AGBL1: variants seen among roughly 807,000 people sequenced by gnomAD.
AGBL1 encodes cytosolic carboxypeptidase 4.
A neutral mutation model predicts 118.9 loss-of-function variants in AGBL1; 130 were observed. The observed-to-expected ratio is 1.09, with a 90% CI of 0.95 to 1.26. AGBL1 has a LOEUF of 1.26. AGBL1 is among the 50% of genes most tolerant of loss of function. The pLI is 0.00. For synonymous variants in AGBL1, 555 were observed against 478.9 expected, an observed-to-expected ratio of 1.16 and a Z score of -2.08; for missense variants, 1,584 against 1,298.1, an observed-to-expected ratio of 1.22 and a Z score of -3.38.
chr15:86,489,671 T>C (rs2082755263), intron 18 of AGBL1, among the ~76,000 whole-genome samples: 1 of 152,168 alleles, frequency 6.6e-6, no homozygotes, highest in South Asian at 2.1e-4. Context: ...TTGTTCATGT[T>C]GCTGCTTTAT....
At chr15:86,812,227 T>G (rs1002563531) in intron 22 of AGBL1, among the ~76,000 whole-genome samples, 9 of 152,182 alleles carry the variant, frequency 5.9e-5, no homozygotes, top group Non-Finnish European at 1.2e-4. Flanking sequence ...TACCTTCTTT[T>G]CCTGTAGCAA....
intron 22 of AGBL1, among the ~76,000 whole-genome samples, chr15:86,763,513 T>G (rs531882651): frequency 6.6e-6 from 1 of 152,000 alleles, no homozygotes. Context: ...TATTCTTTTA[T>G]GAATATCTGG....
chr15:87,030,085 AAACTT>A (rs540265525), downstream of AGBL1, among the ~76,000 whole-genome samples: 298 of 152,136 alleles, frequency 2.0e-3, no homozygotes, highest in Middle Eastern at 0.01. Context: ...TACTTAAACT[AAACTT>A]AAGGTATCTG....
intron 24 of AGBL1, among the ~76,000 whole-genome samples, chr15:87,013,961 G>A (rs1287129458): frequency 6.6e-6 from 1 of 152,118 alleles, no homozygotes; most frequent in African/African-American, 2.4e-5. Context: ...TGATCTCTGA[G>A]TGTCAGATCT....
intron 21 of AGBL1, among the ~76,000 whole-genome samples, chr15:86,631,691 G>A (rs1031763632): frequency 6.6e-6 from 1 of 152,288 alleles, no homozygotes; most frequent in East Asian, 1.9e-4. Context: ...TGGTTCATGG[G>A]AGTTCCCAGG....
In AGBL1 at chr15:86,615,417, G is replaced by C. The variant is rs2084707549; in HGVS notation, c.2995-58856G>C. On this transcript the variant is annotated intron_variant, in intron 21 of 22. Transcript: ENST00000614907. This position sits in a 1 kb window ranked among gnomAD's most constrained non-coding sequence, Gnocchi z 4.3. ...CAGTGGGATCTGGGGTAAGGAGGAAGAAGGTAAGATGATTATGAGATTATT... is the reference window on the plus strand; with the variant it reads ...CAGTGGGATCTGGGGTAAGGAGGAACAAGGTAAGATGATTATGAGATTATT... Among the ~76,000 whole-genome samples, 2 of 152,184 alleles carry C rather than the reference G, an allele frequency of 1.3e-5. No individual in the cohort carries two copies.
At chr15:86,301,193 C>T (rs959404077) in intron 17 of AGBL1, among the ~76,000 whole-genome samples, 2 of 152,094 alleles carry the variant, frequency 1.3e-5, no homozygotes, top group Non-Finnish European at 2.9e-5. Context: ...TTTTGTACCT[C>T]CCAGAGACAT....
chr15:86,168,393 G>T (rs895197794), intron 5 of AGBL1, among the ~76,000 whole-genome samples: 1 of 152,084 alleles, frequency 6.6e-6, no homozygotes, highest in African/African-American at 2.4e-5. Context: ...AGACAAAAAA[G>T]CATGAAAACA....
At chr15:86,633,437 G>C (rs1287633712) in intron 21 of AGBL1, among the ~76,000 whole-genome samples, 1 of 152,024 alleles carries the variant, frequency 6.6e-6, no homozygotes, top group African/African-American at 2.4e-5. Context: ...TGTAACATTT[G>C]ACATCATGGA....
chr15:86,317,638 A>T (rs1337139328), intron 17 of AGBL1, among the ~76,000 whole-genome samples: 1 of 152,242 alleles, frequency 6.6e-6, no homozygotes, highest in Non-Finnish European at 1.5e-5. Flanking sequence ...GATTGAGTCG[A>T]TATTAATGAT....
intron 17 of AGBL1, among the ~76,000 whole-genome samples, chr15:86,352,701 C>G (rs536923323): frequency 6.6e-6 from 1 of 152,034 alleles, no homozygotes; most frequent in Non-Finnish European, 1.5e-5. Flanking sequence ...AGGCTGGTCT[C>G]GAACTCTTGA....
chr15:86,753,478 A>G (rs1427694334), intron 22 of AGBL1, among the ~76,000 whole-genome samples: 1 of 148,794 alleles, frequency 6.7e-6, no homozygotes. Flanking sequence ...ACTCACTGCA[A>G]CTTTTGCCTC....
chr15:86,574,103 G>A (rs1449529086), intron 21 of AGBL1, among the ~76,000 whole-genome samples: 1 of 152,232 alleles, frequency 6.6e-6, no homozygotes, highest in African/African-American at 2.4e-5. Flanking sequence ...GCAGAGTGTT[G>A]CATTGCTGCA....
intron 22 of AGBL1, among the ~76,000 whole-genome samples, chr15:86,746,125 T>C (rs1235705569): frequency 6.6e-6 from 1 of 152,054 alleles, no homozygotes; most frequent in Non-Finnish European, 1.5e-5. Flanking sequence ...CTGAAGTCTG[T>C]TCACCACACT....
intron 5 of AGBL1, among the ~76,000 whole-genome samples, chr15:86,168,177 T>A (rs7174321): frequency 0.024 from 3,609 of 152,280 alleles, 68 homozygotes; most frequent in East Asian, 0.071. Context: ...AGGATTGTAT[T>A]GATACATGCA....
intron 5 of AGBL1, among the ~76,000 whole-genome samples, chr15:86,167,080 T>G (rs922667107): frequency 6.6e-6 from 1 of 152,064 alleles, no homozygotes; most frequent in Admixed American, 6.6e-5. Flanking sequence ...GCAAAGAAAT[T>G]TGTATTTTCC....
intron 6 of AGBL1, among the ~76,000 whole-genome samples, chr15:86,240,875 CAT>C (rs923119315): frequency 6.6e-6 from 1 of 152,112 alleles, no homozygotes; most frequent in Non-Finnish European, 1.5e-5. Context: ...TATTCTTACT[CAT>C]ATATGTCTTA....
At chr15:86,673,172 G>C (rs182953559) in intron 21 of AGBL1, among the ~76,000 whole-genome samples, 1 of 152,098 alleles carries the variant, frequency 6.6e-6, no homozygotes, top group South Asian at 2.1e-4. Flanking sequence ...TGTATTAAAC[G>C]TCTTTATAGG....
intron 16 of AGBL1, among the ~76,000 whole-genome samples, chr15:86,290,007 A>T (rs1374182397): frequency 6.6e-6 from 1 of 152,184 alleles, no homozygotes; most frequent in Non-Finnish European, 1.5e-5. Context: ...TTTATTTGGC[A>T]CAATACTAAG....
Sources: gnomAD v4.1 joint callset for allele counts (sites outside exome capture counted in the v4.1 genomes callset) on GRCh38, gnomAD v4.1.1 for gene constraint, Gnocchi (gnomAD v3.1) non-coding constraint, MANE v1.5 for transcripts, NCBI Gene and HGNC (gene_info 2026-07-23, HGNC 2026-07-21) for gene names.